The following LARS2 variants were observed in gnomAD, a reference collection of about 807,000 sequenced individuals.
LARS2 encodes the protein leucine--tRNA ligase, mitochondrial.
Under a neutral mutation model 116.6 loss-of-function variants are expected in LARS2, and 81 were observed. The observed-to-expected ratio is 0.69, with a 90% CI of 0.58 to 0.84. The LOEUF (loss-of-function observed/expected upper bound fraction) is 0.84. Ranked by LOEUF, LARS2 falls within the 40% of genes least tolerant of loss-of-function variation. The probability of loss-of-function intolerance (pLI) is 0.00; values close to 1 mark genes in which losing one functional copy is unlikely to be tolerated. For missense variants in LARS2, 968 were observed against 1,114.5 expected, an observed-to-expected ratio of 0.87 and a Z score of 1.87; for synonymous variants, 396 against 407.2, an observed-to-expected ratio of 0.97 and a Z score of 0.33.
intron 20 of LARS2, among the ~76,000 whole-genome samples, chr3:45,536,698 C>T (rs1700710895): frequency 6.6e-6 from 1 of 152,150 alleles, no homozygotes; most frequent in Non-Finnish European, 1.5e-5. Context: ...AAAGCGAAAC[C>T]TAATTTTTAA....
At chr3:45,467,606 T>C (rs996818605) in intron 8 of LARS2, among the ~76,000 whole-genome samples, 4 of 152,196 alleles carry the variant, frequency 2.6e-5, no homozygotes, top group Non-Finnish European at 4.4e-5. Flanking sequence ...TCTCAATATA[T>C]TGTAAGATAC....
intron 6 of LARS2, among the ~76,000 whole-genome samples, chr3:45,427,116 C>T (rs1698607158): frequency 6.6e-6 from 1 of 152,164 alleles, no homozygotes; most frequent in Non-Finnish European, 1.5e-5. Flanking sequence ...CAAAATCTCT[C>T]TCTTCCTGAC....
chr3:45,511,670 C>T (rs919488962), intron 15 of LARS2, among the ~76,000 whole-genome samples: 1 of 151,768 alleles, frequency 6.6e-6, no homozygotes, highest in African/African-American at 2.4e-5. Flanking sequence ...CAATTCTGTC[C>T]GTTCTCGGAA....
intron 8 of LARS2, among the ~76,000 whole-genome samples, chr3:45,470,919 T>C (rs1022284649): frequency 4.6e-5 from 7 of 151,740 alleles, no homozygotes; most frequent in African/African-American, 1.7e-4. Flanking sequence ...TTTTGGATTC[T>C]GTGAGCCAGT....
chr3:45,511,692 T>G (rs998790304), intron 15 of LARS2, among the ~76,000 whole-genome samples: 1 of 152,148 alleles, frequency 6.6e-6, no homozygotes, highest in Non-Finnish European at 1.5e-5. Context: ...GTGGCAGTGT[T>G]GTGCCACTTG....
intron 4 of LARS2, among the ~76,000 whole-genome samples, chr3:45,417,154 T>C (rs181191192): frequency 7.3e-4 from 110 of 151,362 alleles, no homozygotes; most frequent in Non-Finnish European, 1.4e-3. Flanking sequence ...TGTGTGTATA[T>C]ATATATGTGA....
chr3:45,513,873 C>T (rs141614077), intron 16 of LARS2, among the ~76,000 whole-genome samples: 17 of 152,270 alleles, frequency 1.1e-4, no homozygotes, highest in South Asian at 2.1e-4. Context: ...GGATGTATCA[C>T]GTGCACCCAG....
chr3:45,432,749 G>A (rs891825501), intron 6 of LARS2, among the ~76,000 whole-genome samples: 107 of 151,960 alleles, frequency 7.0e-4, no homozygotes, highest in Non-Finnish European at 3.2e-4. Flanking sequence ...TAAATGCAAA[G>A]CCAGCAGAAG....
chr3:45,529,120 C>T (rs557073707), intron 20 of LARS2, among the ~76,000 whole-genome samples: 17 of 152,244 alleles, frequency 1.1e-4, no homozygotes, highest in Admixed American at 9.8e-4. Flanking sequence ...CTGCCTGCCT[C>T]GGCCTCCCAA....
chr3:45,459,034 C>A (rs1699265418), intron 8 of LARS2, 148 bp downstream of exon 8: 2 of 736,854 alleles, frequency 2.7e-6, no homozygotes, highest in Non-Finnish European at 4.5e-6. Flanking sequence ...AGCAGCTGAG[C>A]CTCATCACTC....
intron 14 of LARS2, among the ~76,000 whole-genome samples, chr3:45,498,771 G>T (rs895090573): frequency 7.2e-5 from 11 of 152,198 alleles, no homozygotes; most frequent in African/African-American, 2.7e-4. Flanking sequence ...CCCACCGAAG[G>T]TCCCAGCCAG....
At chr3:45,483,641 C>T (rs1281413916) in intron 10 of LARS2, among the ~76,000 whole-genome samples, 1 of 151,756 alleles carries the variant, frequency 6.6e-6, no homozygotes, top group Non-Finnish European at 1.5e-5. Flanking sequence ...AGAGTGGGAC[C>T]CTGTCTCAAA....
chr3:45,444,134 A>G (rs1257630157), intron 6 of LARS2, among the ~76,000 whole-genome samples: 3 of 147,604 alleles, frequency 2.0e-5, no homozygotes, highest in Admixed American at 1.3e-4. Context: ...CCTCCCAAGT[A>G]GCTGGGACTA....
At chr3:45,458,579 A>G (rs1425439837) in intron 7 of LARS2, among the ~76,000 whole-genome samples, 164 bp from the exon 8 acceptor site, 1 of 152,074 alleles carries the variant, frequency 6.6e-6, no homozygotes, top group Non-Finnish European at 1.5e-5. Flanking sequence ...AATCCCAGCT[A>G]CTTGGGCTGA....
Position 45,409,983 on chromosome 3 carries a change from GA to G in LARS2, c.364-7496del, listed in dbSNP as rs372177471. Reference sequence around the variant, plus strand: ...TTAATTCTATCTGAAAACAAAAATAGAAATGAATAAGTGTATTATGTAAATC... The same window carrying G: ...TTAATTCTATCTGAAAACAAAAATAGAATGAATAAGTGTATTATGTAAATC... On this transcript the variant is annotated intron_variant, in intron 4 of 21. Coordinates refer to ENST00000645846, the MANE Select transcript of LARS2 (RefSeq NM_015340.4). 1.3e-3 allele frequency among the ~76,000 whole-genome samples: 201 copies of G among 152,284 alleles called. 2 individuals are homozygous for G. The highest frequency in any genetic ancestry group is 3.9e-3 in the African/African-American group (161 of 41,564).
Position 45,496,474 on chromosome 3 carries a change from G to GA in LARS2, c.1622+104dup, listed in dbSNP as rs1477417105. ...AGACATGCAAGAGATTTCTTGGGGG[G>GA]AAATGCCTGTGCAGATTAAAGGGGA... On this transcript the variant is annotated intron_variant, in intron 14 of 21. Transcript: ENST00000645846. 8.9e-6 allele frequency: 8 copies of GA among 897,016 alleles called. No individual in the cohort carries two copies. In the East Asian group the frequency reaches 1.9e-4, roughly 22 times the overall value. 55.6% of individuals were successfully genotyped at this position (897,016 alleles called of 1,614,324 possible). A position where few individuals can be genotyped will look rare whatever the true frequency, so the allele number is the denominator to read the frequency against.
rs76521313 is a variant in LARS2, at chr3:45,471,562, G to C, written c.751-2681G>C. Among the ~76,000 whole-genome samples the C allele has an allele frequency of 3.6e-3, 549 of 152,298 alleles. 4 individuals carry two copies. Among genetic ancestry groups the C allele is most frequent in the African/African-American group, 0.012 (510 of 41,562 alleles). On this transcript the variant is annotated intron_variant, in intron 8 of 21. Transcript: ENST00000645846. ...CAATGAGAGGGTGAATACACTAGTG[G>C]CTCGGTAATGCTGGTAAAGGAATGG... is the stretch of plus-strand genomic sequence containing the variant.
chr3:45,548,924 G>A lies in LARS2; in HGVS notation c.*1394G>A, dbSNP rs910538506. ...CAGATTGAGGTATTCCATCATCATC[G>A]GAAGCATTGGCTGTGTGTCTGACTC... On this transcript the variant is annotated 3_prime_UTR_variant, in exon 22 of 22. Coordinates refer to ENST00000645846, the MANE Select transcript of LARS2 (RefSeq NM_015340.4). 8 of 152,066 alleles carry A rather than the reference G, an allele frequency of 5.3e-5. No homozygotes were observed. The highest frequency in any genetic ancestry group is 2.0e-4 in the Admixed American group (3 of 15,274). The allele number at this position is 152,066 out of a possible 1,614,324, so 9.4% of individuals were successfully genotyped here. A position where few individuals can be genotyped will look rare whatever the true frequency, so the allele number is the denominator to read the frequency against.
intron 10 of LARS2, among the ~76,000 whole-genome samples, chr3:45,484,844 CT>C (rs144459109): frequency 2.7e-5 from 4 of 148,548 alleles, no homozygotes; most frequent in African/African-American, 2.5e-5. Flanking sequence ...TAATGTCTTC[CT>C]TTTTTTTTCA....
Sources: allele counts gnomAD v4.1 joint callset (sites outside exome capture counted in the v4.1 genomes callset), GRCh38; gene constraint gnomAD v4.1.1; transcripts MANE v1.5; gene names NCBI Gene and HGNC (gene_info 2026-07-23, HGNC 2026-07-21).